The following NUP205 variants were observed in gnomAD, a reference collection of about 807,000 sequenced individuals.
NUP205 encodes nucleoporin 205, also known as nuclear pore complex protein Nup205.
In NUP205, 76 loss-of-function variants were observed where a neutral mutation model predicts 253.8. That is an observed-to-expected ratio of 0.30 (90% CI 0.25 to 0.36). The LOEUF (loss-of-function observed/expected upper bound fraction) is 0.36. Among genes scored for constraint, NUP205 ranks in the 10% least tolerant of loss-of-function variants. NUP205 has a pLI of 1.00. For missense variants in NUP205, 2,162 were observed against 2,425.5 expected (o/e 0.89, Z 2.28); for synonymous variants, 832 against 850.1 (o/e 0.98, Z 0.37).
chr7:135,605,853 A>ATT (rs202096156), intron 19 of NUP205, among the ~76,000 whole-genome samples: 222 of 144,308 alleles, frequency 1.5e-3, no homozygotes, highest in African/African-American at 5.3e-3. Flanking sequence ...CAATTTCGTG[A>ATT]TTTTTTTTTT....
At chr7:135,571,727 C>T (rs1037404499) in intron 2 of NUP205, among the ~76,000 whole-genome samples, 1 of 152,078 alleles carries the variant, frequency 6.6e-6, no homozygotes, top group Non-Finnish European at 1.5e-5. Context: ...TCCATTTACA[C>T]TCTTAGTTAT....
At chr7:135,644,163 G>T (rs546527770) in intron 39 of NUP205, among the ~76,000 whole-genome samples, 2 of 152,298 alleles carry the variant, frequency 1.3e-5, no homozygotes, top group South Asian at 4.1e-4. Context: ...CTCATGTGAG[G>T]AAACTGAGGC....
chr7:135,621,471 TAAGA>T (rs1794468764), intron 30 of NUP205, among the ~76,000 whole-genome samples: 1 of 152,216 alleles, frequency 6.6e-6, no homozygotes, highest in African/African-American at 2.4e-5. Flanking sequence ...AGGCTTTTTA[TAAGA>T]AGTCATCAAG....
At chr7:135,603,713 T>C (rs1794018120) in intron 18 of NUP205, among the ~76,000 whole-genome samples, 1 of 151,912 alleles carries the variant, frequency 6.6e-6, no homozygotes, top group African/African-American at 2.4e-5. Flanking sequence ...TTTCACCATA[T>C]TGGCCAGGCT....
At chr7:135,644,818 G>A (rs1026574797) in intron 39 of NUP205, 77 bp from the exon 40 acceptor site, 2 of 1,358,644 alleles carry the variant, frequency 1.5e-6, no homozygotes, top group Non-Finnish European at 2.1e-6. Context: ...TTATCATGGT[G>A]ACCTGCTGAT....
chr7:135,563,708 A>G (rs772942902), intron 1 of NUP205, among the ~76,000 whole-genome samples: 1 of 152,110 alleles, frequency 6.6e-6, no homozygotes, highest in Non-Finnish European at 1.5e-5. Context: ...ATTTGTAATC[A>G]GTAAAAAAGA....
In NUP205 at chr7:135,611,100, G is replaced by C. The variant is rs1019321222; in HGVS notation, c.3196-3059G>C. Among the ~76,000 whole-genome samples the C allele has an allele frequency of 1.9e-4, 29 of 151,466 alleles. 1 individual carries two copies. The highest frequency in any genetic ancestry group is 1.9e-3 in the Admixed American group (29 of 15,198). On this transcript the variant is annotated intron_variant, in intron 22 of 42. Transcript: ENST00000285968. ...GGCTCACTGCAACCTCCATCTCCCA[G>C]GTTCAAGCAATTCTCGTGCCTCAGT... is the stretch of plus-strand genomic sequence containing the variant.
intron 35 of NUP205, among the ~76,000 whole-genome samples, chr7:135,633,973 G>A (rs532498815): frequency 6.6e-6 from 1 of 152,252 alleles, no homozygotes; most frequent in South Asian, 2.1e-4. Flanking sequence ...GCTCCCATTA[G>A]ATTGCAGTTC....
At chr7:135,562,697 G>A (rs1344079024) in intron 1 of NUP205, among the ~76,000 whole-genome samples, 6 of 151,588 alleles carry the variant, frequency 4.0e-5, no homozygotes, top group South Asian at 2.1e-4. Flanking sequence ...ACAGGCGTGC[G>A]CCACCACACC....
At chr7:135,612,267 ATTCCTGCAAGTGTCTGG>A (rs1328758597) in intron 22 of NUP205, among the ~76,000 whole-genome samples, 54 of 152,338 alleles carry the variant, frequency 3.5e-4, no homozygotes, top group African/African-American at 1.3e-3. Context: ...ACAGGCTAGG[ATTCCTGCAAGTGTCTGG>A]TTCCAACATT....
chr7:135,618,750 GATTA>G, intron 28 of NUP205, 147 bp downstream of exon 28: 1 of 664,628 alleles, frequency 1.5e-6, no homozygotes, highest in Non-Finnish European at 2.5e-6. Context: ...TTGAGAAAGG[GATTA>G]ATTCTGTACA....
intron 1 of NUP205, among the ~76,000 whole-genome samples, chr7:135,563,402 C>T (rs879630603): frequency 2.6e-4 from 40 of 151,862 alleles, no homozygotes; most frequent in South Asian, 4.2e-4. Flanking sequence ...TTGGCCAGGA[C>T]GGTCTTGATC....
At chr7:135,601,715 T>C (rs1038806387) in intron 17 of NUP205, among the ~76,000 whole-genome samples, 2 of 152,228 alleles carry the variant, frequency 1.3e-5, no homozygotes, top group African/African-American at 2.4e-5. Flanking sequence ...TCACTGTCAC[T>C]GTGTTTCACT....
intron 22 of NUP205, among the ~76,000 whole-genome samples, chr7:135,610,884 A>G (rs1794213973): frequency 6.6e-6 from 1 of 152,088 alleles, no homozygotes; most frequent in Non-Finnish European, 1.5e-5. Flanking sequence ...TCTTTTCTTT[A>G]AGAACGGAGA....
rs1217887315 is a variant in NUP205, at chr7:135,645,367, C to A, written c.5684-101C>A. 2.5e-6 allele frequency: 3 copies of A among 1,211,994 alleles called. No individual in the cohort carries two copies. The East Asian group carries it at 7.0e-5, about 28-fold the overall frequency. The allele number at this position is 1,211,994 out of a possible 1,614,324, so 75.1% of individuals were successfully genotyped here. A position where few individuals can be genotyped will look rare whatever the true frequency, so the allele number is the denominator to read the frequency against. ...TGTTAGACTGAGGCTGTGGGTACCT[C>A]ATTAAGTGAGTGCAGTCTGTCCTTT... On this transcript the variant is annotated intron_variant, in intron 40 of 42. Coordinates refer to ENST00000285968, the MANE Select transcript of NUP205 (RefSeq NM_015135.3).
At chr7:135,565,196 G>A (rs995493618) in intron 1 of NUP205, among the ~76,000 whole-genome samples, 8 of 152,126 alleles carry the variant, frequency 5.3e-5, no homozygotes, top group Admixed American at 4.6e-4. Flanking sequence ...TGGTTTTTCA[G>A]AGGTCCTACT....
intron 8 of NUP205, among the ~76,000 whole-genome samples, chr7:135,586,592 C>T (rs1049403690): frequency 1.3e-5 from 2 of 152,112 alleles, no homozygotes; most frequent in African/African-American, 4.8e-5. Flanking sequence ...ACTGCTTTAG[C>T]TATGCCACAC....
intron 38 of NUP205, among the ~76,000 whole-genome samples, chr7:135,640,513 C>T (rs2129492531): frequency 6.6e-6 from 1 of 152,276 alleles, no homozygotes; most frequent in South Asian, 2.1e-4. Context: ...TTGTTTCCTT[C>T]CACTCCGGCC....
intron 1 of NUP205, among the ~76,000 whole-genome samples, chr7:135,570,744 T>TAATTAATTATATTAATATA (rs1369238127): frequency 1.2e-5 from 1 of 82,440 alleles, no homozygotes; most frequent in Non-Finnish European, 2.3e-5. Context: ...TATATTAATA[T>TAATTAATTATATTAATATA]ATTAATTATA....
Sources: allele counts gnomAD v4.1 joint callset (sites outside exome capture counted in the v4.1 genomes callset), GRCh38; gene constraint gnomAD v4.1.1; transcripts MANE v1.5; gene names NCBI Gene and HGNC (gene_info 2026-07-23, HGNC 2026-07-21).